The following TRIM44 variants were observed in gnomAD, a reference collection of about 807,000 sequenced individuals.
TRIM44 encodes tripartite motif-containing protein 44.
In TRIM44, 13 loss-of-function variants were observed where a neutral mutation model predicts 37.4. That is an observed-to-expected ratio of 0.35 (90% CI 0.23 to 0.55). The LOEUF (loss-of-function observed/expected upper bound fraction) is 0.55, where lower values mean the gene tolerates loss of function less well. Ranked by LOEUF, TRIM44 falls within the 20% of genes least tolerant of loss-of-function variation. The pLI is 0.89. For missense variants in TRIM44, 426 were observed against 437.2 expected, an observed-to-expected ratio of 0.97 and a Z score of 0.23; for synonymous variants, 175 against 157.2, an observed-to-expected ratio of 1.11 and a Z score of -0.85.
rs993605740 is a variant in TRIM44, at chr11:35,664,931, T to C, written c.669+1151T>C. ...CTTACCTTTATGCTTTTACTCCATG[T>C]GTATGCATTCCTAAACTTATTTGAA... On this transcript the variant is annotated intron_variant, in intron 1 of 4. Transcript: ENST00000299413. 2.1e-4 allele frequency among the ~76,000 whole-genome samples: 32 copies of C among 152,250 alleles called. 1 individual carries two copies. Among genetic ancestry groups the C allele is most frequent in the African/African-American group, 7.0e-4 (29 of 41,474 alleles).
chr11:35,736,002 G>A (rs898592322), intron 4 of TRIM44, among the ~76,000 whole-genome samples: 4 of 152,144 alleles, frequency 2.6e-5, no homozygotes, highest in Non-Finnish European at 5.9e-5. Flanking sequence ...ATTATTGTCT[G>A]AGCCTTGCAG....
At chr11:35,754,717 A>G (rs1565000570) in intron 4 of TRIM44, among the ~76,000 whole-genome samples, 1 of 133,622 alleles carries the variant, frequency 7.5e-6, no homozygotes. Context: ...ATGAGTTCGC[A>G]TTGTTCAATT....
At chr11:35,709,057 C>G (rs556875697) in intron 2 of TRIM44, among the ~76,000 whole-genome samples, 23 of 151,326 alleles carry the variant, frequency 1.5e-4, no homozygotes, top group Non-Finnish European at 2.5e-4. Flanking sequence ...TCAGGTAAAA[C>G]GTACCCCATT....
intron 3 of TRIM44, among the ~76,000 whole-genome samples, chr11:35,728,545 A>C (rs962800027): frequency 6.6e-6 from 1 of 152,212 alleles, no homozygotes; most frequent in African/African-American, 2.4e-5. Context: ...TTCAGCCACT[A>C]GAGTGTTTAC....
At chr11:35,774,660 G>T (rs1852925890) in intron 4 of TRIM44, among the ~76,000 whole-genome samples, 1 of 152,148 alleles carries the variant, frequency 6.6e-6, no homozygotes, top group African/African-American at 2.4e-5. Flanking sequence ...TGTAAGGAAG[G>T]GATCCAGCTT....
intron 1 of TRIM44, among the ~76,000 whole-genome samples, chr11:35,683,416 GA>G (rs972293366): frequency 7.2e-5 from 11 of 152,316 alleles, no homozygotes; most frequent in African/African-American, 2.4e-4. Flanking sequence ...AGAGAGGTCA[GA>G]GGGGGGAAAA....
chr11:35,752,405 AAAG>A (rs905363852), intron 4 of TRIM44, among the ~76,000 whole-genome samples: 21 of 152,122 alleles, frequency 1.4e-4, no homozygotes, highest in African/African-American at 5.1e-4. Flanking sequence ...TCTAGGATAC[AAAG>A]AAGATCATGT....
intron 2 of TRIM44, among the ~76,000 whole-genome samples, chr11:35,724,947 G>A (rs942374994): frequency 7.2e-5 from 11 of 152,004 alleles, no homozygotes; most frequent in Non-Finnish European, 1.3e-4. Flanking sequence ...ACTCATATGC[G>A]TATATTAAGA....
At chr11:35,783,748 G>C (rs1360887684) in intron 4 of TRIM44, among the ~76,000 whole-genome samples, 1 of 152,164 alleles carries the variant, frequency 6.6e-6, no homozygotes, top group African/African-American at 2.4e-5. Context: ...CCCCTTCCTG[G>C]AAGGGCACTT....
At chr11:35,682,585 A>T (rs1230202508) in intron 1 of TRIM44, among the ~76,000 whole-genome samples, 1 of 152,240 alleles carries the variant, frequency 6.6e-6, no homozygotes, top group Non-Finnish European at 1.5e-5. Context: ...TAGCAGGCTC[A>T]TCATAGAGCC....
intron 2 of TRIM44, among the ~76,000 whole-genome samples, chr11:35,694,405 C>T (rs1260964343): frequency 1.3e-5 from 2 of 152,086 alleles, no homozygotes; most frequent in Non-Finnish European, 2.9e-5. Flanking sequence ...GATGAGGCAA[C>T]GTATGTACCA....
intron 4 of TRIM44, among the ~76,000 whole-genome samples, chr11:35,798,777 T>C (rs1024203129): frequency 2.6e-5 from 4 of 152,182 alleles, no homozygotes; most frequent in African/African-American, 9.6e-5. Flanking sequence ...TCATGATTGA[T>C]AACTGAGTGG....
At chr11:35,675,465 C>A (rs1201351254) in intron 1 of TRIM44, among the ~76,000 whole-genome samples, 1 of 152,184 alleles carries the variant, frequency 6.6e-6, no homozygotes, top group African/African-American at 2.4e-5. Flanking sequence ...GACATCCTTA[C>A]TGTGTCATGG....
At chr11:35,697,924 G>C (rs1393215158) in intron 2 of TRIM44, among the ~76,000 whole-genome samples, 1 of 151,868 alleles carries the variant, frequency 6.6e-6, no homozygotes, top group Non-Finnish European at 1.5e-5. Context: ...ACGTGTGCAT[G>C]TGTCTTTATA....
rs765231644 is a variant in TRIM44 at position 35,663,579 on chromosome 11, A to G, written c.468A>G (p.Glu156=). 1.2e-6 allele frequency: 2 copies of G among 1,614,102 alleles called. No individual in the cohort carries two copies. The highest frequency in any genetic ancestry group is 2.2e-5 in the South Asian group (2 of 91,074). ...QEEGESEAEG[E]TEAESEFDPE... is the part of the protein sequence containing the mutation. The stretch of plus-strand genomic sequence containing the variant: ...AAGGGGAATCCGAGGCGGAGGGAGA[A>G]ACTGAGGCAGAAAGTGAATTTGACC... The change falls in exon 1 of 5, where the codon GAA becomes GAG. Residue 156 remains glutamate, a synonymous_variant. Transcript: ENST00000299413.
intron 4 of TRIM44, among the ~76,000 whole-genome samples, chr11:35,760,059 G>C (rs759369498): frequency 9.2e-5 from 14 of 152,216 alleles, no homozygotes; most frequent in Non-Finnish European, 5.9e-5. Flanking sequence ...GGTTTCTGCT[G>C]CGTTTTGTTT....
intron 4 of TRIM44, among the ~76,000 whole-genome samples, chr11:35,764,683 A>G (rs746809768): frequency 3.3e-5 from 5 of 152,144 alleles, no homozygotes; most frequent in Admixed American, 6.5e-5. Flanking sequence ...GGAGAGTACA[A>G]TTATCAAAGA....
At chr11:35,717,598 T>G (rs981755229) in intron 2 of TRIM44, among the ~76,000 whole-genome samples, 1 of 152,186 alleles carries the variant, frequency 6.6e-6, no homozygotes, top group African/African-American at 2.4e-5. Context: ...CATTAAACTC[T>G]TTCTCTATTG....
intron 4 of TRIM44, among the ~76,000 whole-genome samples, chr11:35,803,891 T>TA (rs1853403812): frequency 6.6e-6 from 1 of 152,072 alleles, no homozygotes; most frequent in Non-Finnish European, 1.5e-5. Flanking sequence ...AGCTCTGTGT[T>TA]ATAGATTCAG....
Sources: gnomAD v4.1 joint callset for allele counts (sites outside exome capture counted in the v4.1 genomes callset) on GRCh38, gnomAD v4.1.1 for gene constraint, MANE v1.5 for transcripts, NCBI Gene and HGNC (gene_info 2026-07-23, HGNC 2026-07-21) for gene names.